Variants in PPARG observed in about 807,000 individuals in gnomAD.
The protein encoded by PPARG is peroxisome proliferator-activated receptor gamma.
A neutral mutation model predicts 39.2 loss-of-function variants in PPARG; 17 were observed. That is an observed-to-expected ratio of 0.43 (90% CI 0.30 to 0.65). The LOEUF (loss-of-function observed/expected upper bound fraction) is 0.65. Among genes scored for constraint, PPARG ranks in the 30% least tolerant of loss-of-function variants. PPARG has a pLI of 0.13. For missense variants in PPARG, 406 were observed against 585.9 expected (o/e 0.69, Z 3.17); for synonymous variants, 223 against 215.7 (o/e 1.03, Z -0.30).
At chr3:12,389,447 C>T (rs961634214) in intron 4 of PPARG, among the ~76,000 whole-genome samples, 1 of 152,034 alleles carries the variant, frequency 6.6e-6, no homozygotes, top group East Asian at 1.9e-4. Flanking sequence ...ATACTAAAGA[C>T]AAATAGAGAG....
chr3:12,398,785 G>A (rs1423496858), intron 5 of PPARG, among the ~76,000 whole-genome samples: 1 of 152,216 alleles, frequency 6.6e-6, no homozygotes, highest in Non-Finnish European at 1.5e-5. Flanking sequence ...ACTTAGAAGA[G>A]GCCATTAGTT....
At chr3:12,373,558 A>G (rs969348670) in intron 2 of PPARG, among the ~76,000 whole-genome samples, 32 of 152,326 alleles carry the variant, frequency 2.1e-4, no homozygotes, top group African/African-American at 7.5e-4. Context: ...TAACAAAACT[A>G]AACTATTGAG....
In PPARG at chr3:12,307,097, CAA is replaced by C. The variant is rs11323214; in HGVS notation, c.-82-5264_-82-5263del. Among the ~76,000 whole-genome samples, 260 of 83,878 alleles carry C rather than the reference CAA, an allele frequency of 3.1e-3. 1 individual carries two copies. Among genetic ancestry groups the C allele is most frequent in the African/African-American group, 8.8e-3 (191 of 21,688 alleles). The allele number at this position is 83,878 out of a possible 152,430, so 55.0% of individuals were successfully genotyped here. On this transcript the variant is annotated intron_variant, in intron 1 of 7. Coordinates refer to ENST00000651735, the MANE Select transcript of PPARG (RefSeq NM_138711.6). ...TGGGCGACAGTGCAAGACTCCGTCT[CAA>C]AAAAAAAAAAAAAAAAAATCAACCG...
At chr3:12,357,826 T>C (rs1348378509) in intron 2 of PPARG, among the ~76,000 whole-genome samples, 1 of 152,238 alleles carries the variant, frequency 6.6e-6, no homozygotes, top group East Asian at 1.9e-4. Context: ...TTATTTCCTG[T>C]TTTATGTATT....
chr3:12,378,973 T>G (rs1028945257), intron 2 of PPARG, among the ~76,000 whole-genome samples: 1 of 152,112 alleles, frequency 6.6e-6, no homozygotes, highest in African/African-American at 2.4e-5. Flanking sequence ...GTGTTTTGTT[T>G]GTTTTTTGGT....
chr3:12,404,251 G>T (rs2050576783), intron 5 of PPARG, among the ~76,000 whole-genome samples: 1 of 152,208 alleles, frequency 6.6e-6, no homozygotes, highest in South Asian at 2.1e-4. Context: ...TCCCAACTGA[G>T]AGGTAAGATT....
At chr3:12,372,208 T>C in intron 2 of PPARG, 1 of 715,046 alleles carries the variant, frequency 1.4e-6, no homozygotes, top group Non-Finnish European at 2.6e-6. Flanking sequence ...CCTGCCTGCC[T>C]GGCACATTAT....
At chr3:12,313,216 G>T (rs913022947) in intron 2 of PPARG, among the ~76,000 whole-genome samples, 8 of 152,064 alleles carry the variant, frequency 5.3e-5, no homozygotes, top group Non-Finnish European at 8.8e-5. Flanking sequence ...CCACAACATT[G>T]AATAAAGAAT....
rs1298397431 is a variant in PPARG, at chr3:12,312,953, A to G, written c.-9+500A>G. On this transcript the variant is annotated intron_variant, in intron 2 of 7. Coordinates refer to ENST00000651735, the MANE Select transcript of PPARG (RefSeq NM_138711.6). ...GGCATTAAAACTACTTCCTTCCTGG[A>G]ACTGACTAGATGGGGGTAGGATTTC... is the stretch of plus-strand genomic sequence containing the variant. Among the ~76,000 whole-genome samples, 3 of 152,122 alleles carry G rather than the reference A, an allele frequency of 2.0e-5. No homozygotes were observed. The East Asian group carries it at 5.8e-4, about 29-fold the overall frequency.
At chr3:12,287,564 C>A (rs1474709978), upstream of PPARG, 1 of 152,266 alleles carries the variant, frequency 6.6e-6, no homozygotes, top group Non-Finnish European at 1.5e-5. Flanking sequence ...CCTCGGTCTC[C>A]CCAGACCGGC....
rs552059772 is a variant in PPARG at position 12,425,526 on chromosome 3, G to T, written c.1180+8372G>T. 2.0e-5 allele frequency among the ~76,000 whole-genome samples: 3 copies of T among 152,142 alleles called. No individual in the cohort carries two copies. In the East Asian group the frequency reaches 5.8e-4, roughly 29 times the overall value. ...CTCCCCTTATCCTGCCCAGAGCATCGCAGGGTAGAGCCACCAGACGGATTC... is the reference window on the plus strand; with the variant it reads ...CTCCCCTTATCCTGCCCAGAGCATCTCAGGGTAGAGCCACCAGACGGATTC... On this transcript the variant is annotated intron_variant, in intron 7 of 7. Transcript: ENST00000651735.
intron 2 of PPARG, among the ~76,000 whole-genome samples, chr3:12,337,023 CTT>C (rs1248899795): frequency 6.6e-6 from 1 of 152,206 alleles, no homozygotes; most frequent in Non-Finnish European, 1.5e-5. Context: ...AAGGCATACT[CTT>C]TTCATGTCTT....
intron 2 of PPARG, among the ~76,000 whole-genome samples, chr3:12,370,284 T>G (rs1007903881): frequency 2.0e-5 from 3 of 152,128 alleles, no homozygotes; most frequent in African/African-American, 7.2e-5. Flanking sequence ...CCTGATCCTT[T>G]CTATGGTACT....
At chr3:12,317,574 G>A (rs576026835) in intron 2 of PPARG, among the ~76,000 whole-genome samples, 1 of 152,152 alleles carries the variant, frequency 6.6e-6, no homozygotes, top group East Asian at 1.9e-4. Flanking sequence ...CAGTTTTTAG[G>A]TGGCTTCTGG....
intron 2 of PPARG, among the ~76,000 whole-genome samples, chr3:12,314,793 T>C (rs989345499): frequency 2.6e-5 from 4 of 152,158 alleles, no homozygotes; most frequent in Admixed American, 2.6e-4. Context: ...TATTGTGCCA[T>C]TCTCAATTTA....
intron 2 of PPARG, among the ~76,000 whole-genome samples, chr3:12,342,055 G>A (rs1203656031): frequency 6.6e-6 from 1 of 152,140 alleles, no homozygotes; most frequent in East Asian, 1.9e-4. Context: ...CTAACTTAGT[G>A]GTAGATTTTA....
intron 7 of PPARG, among the ~76,000 whole-genome samples, chr3:12,426,378 C>T (rs2051447383): frequency 6.6e-6 from 1 of 152,160 alleles, no homozygotes. Flanking sequence ...TTTATGTCAT[C>T]CCCTTTCCCT....
At chr3:12,354,938 T>C (rs1191810801) in intron 2 of PPARG, among the ~76,000 whole-genome samples, 1 of 152,184 alleles carries the variant, frequency 6.6e-6, no homozygotes, top group Non-Finnish European at 1.5e-5. Flanking sequence ...AGCATCTTTG[T>C]GTCTAATTTT....
intron 4 of PPARG, among the ~76,000 whole-genome samples, chr3:12,384,565 G>A (rs537159794): frequency 6.6e-6 from 1 of 152,236 alleles, no homozygotes; most frequent in South Asian, 2.1e-4. Context: ...TCTAGAAAAT[G>A]ATTCAGATGA....
Sources: allele counts gnomAD v4.1 joint callset (sites outside exome capture counted in the v4.1 genomes callset), GRCh38; gene constraint gnomAD v4.1.1; transcripts MANE v1.5; gene names NCBI Gene and HGNC (gene_info 2026-07-23, HGNC 2026-07-21).